MARK2: variants seen among roughly 807,000 people sequenced by gnomAD.
MARK2 encodes the protein microtubule affinity regulating kinase 2.
MARK2 carries 16 observed loss-of-function variants against 89.8 expected under a neutral mutation model. That is an observed-to-expected ratio of 0.18 (90% confidence interval 0.12 to 0.27). MARK2 has a LOEUF of 0.27. Among genes scored for constraint, MARK2 ranks in the 10% least tolerant of loss-of-function variants. The pLI, the probability that MARK2 is intolerant of heterozygous loss-of-function variation, is 1.00. For synonymous variants in MARK2, 382 were observed against 399.5 expected, an observed-to-expected ratio of 0.96 and a Z score of 0.52; for missense variants, 621 against 1,049.9, an observed-to-expected ratio of 0.59 and a Z score of 5.65.
At chr11:63,886,128 C>CAA (rs569957748) in intron 1 of MARK2, among the ~76,000 whole-genome samples, 6 of 116,306 alleles carry the variant, frequency 5.2e-5, no homozygotes, top group African/African-American at 9.5e-5. Flanking sequence ...GACTCTATCT[C>CAA]AAAAAAAAAA....
chr11:63,880,123 TTTTTTTTTTG>T (rs1939002433), intron 1 of MARK2: 1 of 99,692 alleles, frequency 1.0e-5, no homozygotes, highest in South Asian at 4.3e-4. Context: ...AAATGCTGAG[TTTTTTTTTTG>T]TTTTTTTTTT....
At chr11:63,842,124 TC>T (rs1739565896) in intron 1 of MARK2, among the ~76,000 whole-genome samples, 1 of 152,198 alleles carries the variant, frequency 6.6e-6, no homozygotes, top group South Asian at 2.1e-4. Flanking sequence ...GGGTAGCCAG[TC>T]ACTGTATCGA....
At chr11:63,876,845 C>G (rs73494112) in intron 1 of MARK2, among the ~76,000 whole-genome samples, 1 of 152,280 alleles carries the variant, frequency 6.6e-6, no homozygotes, top group Non-Finnish European at 1.5e-5. Context: ...TGCCCAAAAG[C>G]GGCCCCCTTC....
rs2134240432 is a variant in MARK2 at position 63,910,594 on chromosome 11, C to A, written c.*1357C>A. ...GAGTCCTACACAGAGGCTGCCCCTA[C>A]CCTCACCTGAGTTGTACATTTTTTT... On this transcript the variant is annotated 3_prime_UTR_variant, in exon 19 of 19. Coordinates refer to ENST00000402010, the MANE Select transcript of MARK2 (RefSeq NM_001039469.3). 2 of 152,084 alleles carry A rather than the reference C, an allele frequency of 1.3e-5. No individual in the cohort carries two copies. Among genetic ancestry groups the A allele is most frequent in the East Asian group, 3.9e-4 (2 of 5,170 alleles). The allele number at this position is 152,084 out of a possible 1,614,324, so 9.4% of individuals were successfully genotyped here.
rs1940781234 is a variant in MARK2, at chr11:63,900,592, C to T, written c.802C>T (p.Arg268Cys). The change falls in exon 9 of 19, where the codon CGT (arginine) becomes TGT (cysteine). Residue 268 changes from arginine (R) to cysteine (C), a missense_variant. By Grantham distance (180) the Arg-to-Cys change is radical. Coordinates refer to ENST00000402010, the MANE Select transcript of MARK2 (RefSeq NM_001039469.3). This position sits in a 1 kb window ranked among gnomAD's most constrained non-coding sequence, Gnocchi z 4.7. ...LRERVLRGKYRIPFYMSTDCE... is the reference protein window; with the variant it reads ...LRERVLRGKYCIPFYMSTDCE... ...GGAACGGGTACTGAGGGGAAAATAC[C>T]GTATTCCATTCTACATGTCCACGGA... 6.2e-7 allele frequency: 1 copy of T among 1,613,998 alleles called. No individual in the cohort carries two copies. Among genetic ancestry groups the T allele is most frequent in the Non-Finnish European group, 8.5e-7 (1 of 1,179,932 alleles).
chr11:63,856,541 C>T (rs1365645082), intron 1 of MARK2, among the ~76,000 whole-genome samples: 4 of 150,328 alleles, frequency 2.7e-5, no homozygotes, highest in African/African-American at 9.8e-5. Context: ...CTCCCACCTC[C>T]GCCTCCCAAG....
chr11:63,867,387 A>G (rs192436356), intron 1 of MARK2, among the ~76,000 whole-genome samples: 2 of 152,342 alleles, frequency 1.3e-5, no homozygotes, highest in Admixed American at 6.5e-5. Context: ...GGGAAAACAG[A>G]CAACCAATAA....
At chr11:63,875,837 A>C (rs1183972481) in intron 1 of MARK2, among the ~76,000 whole-genome samples, 1 of 152,168 alleles carries the variant, frequency 6.6e-6, no homozygotes, top group Non-Finnish European at 1.5e-5. Flanking sequence ...AGTGTGGCTA[A>C]GCTTTCAGCA....
chr11:63,845,103 G>A (rs1241457039), intron 1 of MARK2, among the ~76,000 whole-genome samples: 1 of 152,192 alleles, frequency 6.6e-6, no homozygotes, highest in African/African-American at 2.4e-5. Context: ...AGTAACCTCA[G>A]CAGATGGAAA....
intron 1 of MARK2, among the ~76,000 whole-genome samples, chr11:63,855,702 T>C (rs1486164600): frequency 2.0e-5 from 3 of 152,190 alleles, no homozygotes; most frequent in Admixed American, 1.3e-4. Context: ...ACTCTATTTT[T>C]CAACTACATG....
rs1590723773 is a variant in MARK2 at position 63,909,379 on chromosome 11, G to A, written c.*142G>A. On this transcript the variant is annotated 3_prime_UTR_variant, in exon 19 of 19. Transcript: ENST00000402010. ...CTTCTCCCCTCCCTGGCCCTTCTCAGTTTTCTCTTACATGTTTGTGGGGGG... is the reference window on the plus strand; with the variant it reads ...CTTCTCCCCTCCCTGGCCCTTCTCAATTTTCTCTTACATGTTTGTGGGGGG... 1 of 861,628 alleles carries A rather than the reference G, an allele frequency of 1.2e-6. No individual in the cohort carries two copies. The highest frequency in any genetic ancestry group is 3.0e-5 in the East Asian group (1 of 33,464). The allele number at this position is 861,628 out of a possible 1,614,324, so 53.4% of individuals were successfully genotyped here.
At chr11:63,907,392 CCT>C (rs1941429583) in intron 17 of MARK2, among the ~76,000 whole-genome samples, 1 of 152,212 alleles carries the variant, frequency 6.6e-6, no homozygotes, top group Non-Finnish European at 1.5e-5. Flanking sequence ...TGTGTGCACC[CCT>C]GTGTTGGTTG....
chr11:63,905,084 G>C (rs756912176), intron 16 of MARK2, 41 bp downstream of exon 16: 1 of 1,464,458 alleles, frequency 6.8e-7, no homozygotes, highest in South Asian at 1.1e-5. Flanking sequence ...CTCAGGCCAG[G>C]CCTTCCTGCT....
intron 1 of MARK2, among the ~76,000 whole-genome samples, chr11:63,870,475 T>G (rs1938382749): frequency 6.6e-6 from 1 of 152,076 alleles, no homozygotes; most frequent in South Asian, 2.1e-4. Context: ...GAGGAGTCAC[T>G]CCGAGAAAAG....
In MARK2 at chr11:63,899,031, AC is replaced by A. The variant is rs762567584; in HGVS notation, c.475-18del. 9 of 1,595,430 alleles carry A rather than the reference AC, an allele frequency of 5.6e-6. No individual in the cohort carries two copies. The highest frequency in any genetic ancestry group is 6.9e-6 in the Non-Finnish European group (8 of 1,163,310). ...CCCACCCTCAGGCACCCCTGGGTTA[AC>A]CCTTCTTCCTTCCTTTCAGATAGTG... On this transcript the variant is annotated intron_variant, in intron 6 of 18. Coordinates refer to ENST00000402010, the MANE Select transcript of MARK2 (RefSeq NM_001039469.3).
At chr11:63,889,078 G>C in intron 1 of MARK2, 1 of 723,978 alleles carries the variant, frequency 1.4e-6, no homozygotes. Context: ...GTCCAGCATA[G>C]TAATATTCAT....
At position 63,883,329 on chromosome 11, in the gene MARK2, C is replaced by T. The variant is rs1423204092; in HGVS notation, c.55-11830C>T. Reference sequence around the variant, plus strand: ...TGTTAGGAAAGAGGGTCCTCTTTGCCTGATTGCCCAGCCATGGCAGAATTT... The same window carrying T: ...TGTTAGGAAAGAGGGTCCTCTTTGCTTGATTGCCCAGCCATGGCAGAATTT... On this transcript the variant is annotated intron_variant, in intron 1 of 18. Coordinates refer to ENST00000402010, the MANE Select transcript of MARK2 (RefSeq NM_001039469.3). Among the ~76,000 whole-genome samples, 4 of 152,150 alleles carry T rather than the reference C, an allele frequency of 2.6e-5. No individual in the cohort carries two copies. In the East Asian group the frequency reaches 7.7e-4, roughly 29 times the overall value.
At chr11:63,861,538 A>G (rs924195347) in intron 1 of MARK2, among the ~76,000 whole-genome samples, 1 of 152,196 alleles carries the variant, frequency 6.6e-6, no homozygotes, top group East Asian at 1.9e-4. Context: ...AAGCGCATTA[A>G]TCTGGTCCAA....
intron 1 of MARK2, among the ~76,000 whole-genome samples, chr11:63,867,181 A>G (rs764712297): frequency 6.6e-6 from 1 of 152,144 alleles, no homozygotes; most frequent in Non-Finnish European, 1.5e-5. Context: ...CATGTGCCAC[A>G]ACACCCAGCA....
Sources: gnomAD v4.1 joint callset for allele counts (sites outside exome capture counted in the v4.1 genomes callset) on GRCh38, gnomAD v4.1.1 for gene constraint, Gnocchi (gnomAD v3.1) non-coding constraint, MANE v1.5 for transcripts, NCBI Gene and HGNC (gene_info 2026-07-23, HGNC 2026-07-21) for gene names.